Variants in IFT43 observed in about 807,000 individuals in gnomAD.
IFT43 encodes intraflagellar transport protein 43 homolog.
In IFT43, 33 loss-of-function variants were observed where a neutral mutation model predicts 32.3. The ratio of observed to expected loss-of-function variants is 1.02; its 90% CI spans 0.77 to 1.37. The LOEUF (loss-of-function observed/expected upper bound fraction) is 1.37, where lower values mean the gene tolerates loss of function less well. Among genes scored for constraint, IFT43 ranks in the 40% most tolerant of loss-of-function variants. IFT43 has a pLI of 0.00. For missense variants in IFT43, 274 were observed against 265.9 expected (o/e 1.03, Z -0.21); for synonymous variants, 93 against 98.2 (o/e 0.95, Z 0.31).
At chr14:75,993,545 G>T (rs1180726478) in intron 2 of IFT43, among the ~76,000 whole-genome samples, 1 of 152,206 alleles carries the variant, frequency 6.6e-6, no homozygotes, top group African/African-American at 2.4e-5. Flanking sequence ...AATTTTTCAA[G>T]TGGCCTCCTC....
rs117993419 is a variant in IFT43, at chr14:75,995,117, T to C, written c.147+6140T>C. On this transcript the variant is annotated intron_variant, in intron 2 of 8. Transcript: ENST00000314067. ...CCTAGTTGAGCCTTATGGTAGCTCT[T>C]GAAGTAGGTACTCTTATCATCATGT... Among the ~76,000 whole-genome samples the C allele has an allele frequency of 1.9e-3, 297 of 152,332 alleles. 1 individual carries two copies. Among genetic ancestry groups the C allele is most frequent in the Admixed American group, 3.9e-3 (59 of 15,306 alleles).
At chr14:76,079,480 G>A (rs927877705) in intron 5 of IFT43, among the ~76,000 whole-genome samples, 3 of 152,140 alleles carry the variant, frequency 2.0e-5, no homozygotes, top group Non-Finnish European at 2.9e-5. Flanking sequence ...GAGGCATAGA[G>A]AGAAAAAGTC....
intron 3 of IFT43, among the ~76,000 whole-genome samples, chr14:76,029,896 A>ATTTTTTATTTTATTTTATTTTATT (rs1294938912): frequency 7.2e-6 from 1 of 138,492 alleles, no homozygotes; most frequent in African/African-American, 2.9e-5. Flanking sequence ...ATTTTATTTT[A>ATTTTTTATTTTATTTTATTTTATT]TTTGAGACAG....
rs1244172825 is a variant in IFT43 at position 75,999,266 on chromosome 14, TATATATGTATATA to T, written c.147+10290_147+10302del. ...ATATATATATATATATATATATATA[TATATATGTATATA>T]TATTTTTTTTTTTTTTTTTTTAATT... On this transcript the variant is annotated intron_variant, in intron 2 of 8. Coordinates refer to ENST00000314067, the MANE Select transcript of IFT43 (RefSeq NM_001102564.3). Among the ~76,000 whole-genome samples, 127 of 25,290 alleles carry T rather than the reference TATATATGTATATA, an allele frequency of 5.0e-3. 6 individuals carry two copies. The highest frequency in any genetic ancestry group is 0.017 in the African/African-American group (77 of 4,542). The allele number at this position is 25,290 out of a possible 152,430, so 16.6% of individuals were successfully genotyped here.
intron 1 of IFT43, 47 bp downstream of exon 1, chr14:75,985,887 G>A: frequency 1.9e-6 from 3 of 1,604,848 alleles, no homozygotes; most frequent in Non-Finnish European, 1.7e-6. Context: ...TGGCGGGTGG[G>A]GAGGAGCGAC....
chr14:76,046,599 C>T (rs751877034), intron 3 of IFT43, among the ~76,000 whole-genome samples: 1 of 152,196 alleles, frequency 6.6e-6, no homozygotes, highest in South Asian at 2.1e-4. Context: ...ACAACCATCA[C>T]CACAATAATG....
intron 2 of IFT43, among the ~76,000 whole-genome samples, chr14:76,012,565 CA>C (rs1206862030): frequency 6.6e-6 from 1 of 152,216 alleles, no homozygotes; most frequent in Non-Finnish European, 1.5e-5. Context: ...GGAGAGAACA[CA>C]TTTTTGCTGC....
intron 5 of IFT43, among the ~76,000 whole-genome samples, chr14:76,078,931 A>G (rs932450171): frequency 2.0e-5 from 3 of 152,158 alleles, no homozygotes; most frequent in Non-Finnish European, 4.4e-5. Flanking sequence ...ATTCTGCCCC[A>G]TTTAGCCTTG....
At chr14:76,069,326 A>T (rs914198726) in intron 5 of IFT43, among the ~76,000 whole-genome samples, 4 of 152,116 alleles carry the variant, frequency 2.6e-5, no homozygotes, top group African/African-American at 9.7e-5. Flanking sequence ...CTCTGGAGAA[A>T]TGACTTTTAA....
chr14:76,052,044 T>A (rs1265478295), intron 3 of IFT43, among the ~76,000 whole-genome samples: 1 of 152,212 alleles, frequency 6.6e-6, no homozygotes, highest in Middle Eastern at 3.2e-3. Context: ...TGCTTGGCAC[T>A]TTCGTCTATT....
chr14:76,010,495 A>G (rs2036062302), intron 2 of IFT43, among the ~76,000 whole-genome samples: 1 of 152,204 alleles, frequency 6.6e-6, no homozygotes, highest in African/African-American at 2.4e-5. Flanking sequence ...AAAAATTAGT[A>G]CAGTGAACAA....
At chr14:76,059,203 G>A (rs1433044595) in intron 4 of IFT43, 124 bp from the exon 5 acceptor site, 1 of 1,601,282 alleles carries the variant, frequency 6.2e-7, no homozygotes, top group Non-Finnish European at 8.5e-7. Flanking sequence ...TAAGTTGACA[G>A]AGAAAAACAG....
chr14:76,023,433 A>G (rs1235964769), intron 3 of IFT43, among the ~76,000 whole-genome samples: 1 of 152,242 alleles, frequency 6.6e-6, no homozygotes, highest in Non-Finnish European at 1.5e-5. Flanking sequence ...ACCCCAAGCA[A>G]GTAATTTAAT....
At chr14:76,039,558 A>G (rs568363571) in intron 3 of IFT43, among the ~76,000 whole-genome samples, 2 of 152,328 alleles carry the variant, frequency 1.3e-5, no homozygotes, top group South Asian at 4.1e-4. Context: ...AGAGAAAGGG[A>G]GTGGGATGTG....
At chr14:76,035,056 G>T (rs1336127448) in intron 3 of IFT43, among the ~76,000 whole-genome samples, 1 of 152,192 alleles carries the variant, frequency 6.6e-6, no homozygotes, top group Admixed American at 6.5e-5. Flanking sequence ...AATGAGGCAA[G>T]TAATGGCCCC....
chr14:76,040,061 T>G (rs2036678256), intron 3 of IFT43, among the ~76,000 whole-genome samples: 1 of 152,186 alleles, frequency 6.6e-6, no homozygotes, highest in Admixed American at 6.5e-5. Flanking sequence ...CAAGCAATCC[T>G]CCCATCTCAG....
At chr14:76,069,062 A>G (rs1337536735) in intron 5 of IFT43, among the ~76,000 whole-genome samples, 1 of 152,212 alleles carries the variant, frequency 6.6e-6, no homozygotes, top group Non-Finnish European at 1.5e-5. Context: ...AAAGAAAAAG[A>G]TGCTCAACTG....
intron 5 of IFT43, among the ~76,000 whole-genome samples, chr14:76,066,084 C>T (rs17103965): frequency 1.3e-5 from 2 of 152,124 alleles, no homozygotes; most frequent in African/African-American, 4.8e-5. Context: ...GATACACTGG[C>T]GTCTCCTTCC....
At position 76,076,014 on chromosome 14, in the gene IFT43, G is replaced by A. The variant is rs138060797; in HGVS notation, c.296-6281G>A. On this transcript the variant is annotated intron_variant, in intron 5 of 8. Transcript: ENST00000314067. Reference sequence around the variant, plus strand: ...GTTTGTCTGGACTGCTCTTATTGGGGTGTCCTTAAGCAGCATGTCCAGATC... The same window carrying A: ...GTTTGTCTGGACTGCTCTTATTGGGATGTCCTTAAGCAGCATGTCCAGATC... Among the ~76,000 whole-genome samples the A allele has an allele frequency of 1.7e-3, 255 of 152,334 alleles. 7 individuals carry two copies. The East Asian group carries it at 0.045, about 27-fold the overall frequency.
Sources: allele counts gnomAD v4.1 joint callset (sites outside exome capture counted in the v4.1 genomes callset), GRCh38; gene constraint gnomAD v4.1.1; transcripts MANE v1.5; gene names NCBI Gene and HGNC (gene_info 2026-07-23, HGNC 2026-07-21).